LRRC4C: variants seen among roughly 807,000 people sequenced by gnomAD.
LRRC4C encodes leucine rich repeat containing 4C, also known as leucine-rich repeat-containing protein 4C.
A neutral mutation model predicts 33.6 loss-of-function variants in LRRC4C; 5 were observed. That is an observed-to-expected ratio of 0.15 (90% CI 0.08 to 0.31). The LOEUF is 0.31. LRRC4C is among the 10% of genes least tolerant of loss of function. The pLI is 1.00. For missense variants in LRRC4C, 560 were observed against 796.7 expected (o/e 0.70, Z 3.58); for synonymous variants, 329 against 302.0 (o/e 1.09, Z -0.93).
intron 3 of LRRC4C, among the ~76,000 whole-genome samples, chr11:40,488,951 G>T (rs924637458): frequency 1.3e-5 from 2 of 152,000 alleles, no homozygotes; most frequent in African/African-American, 4.8e-5. Context: ...TAATATAATG[G>T]AAGACAGCAT....
At chr11:40,255,674 C>T (rs1215582766) in intron 4 of LRRC4C, among the ~76,000 whole-genome samples, 2 of 152,296 alleles carry the variant, frequency 1.3e-5, no homozygotes, top group East Asian at 3.9e-4. Context: ...TCAGCCTCCT[C>T]ATTCACACAA....
At chr11:40,896,848 G>A (rs879603889) in intron 2 of LRRC4C, among the ~76,000 whole-genome samples, 4 of 152,276 alleles carry the variant, frequency 2.6e-5, no homozygotes, top group Admixed American at 6.5e-5. Context: ...TCAAGGAGAC[G>A]TATTAAAGCA....
chr11:40,982,498 A>G lies in LRRC4C; in HGVS notation c.-495-48775T>C, dbSNP rs188349200. Among the ~76,000 whole-genome samples the G allele has an allele frequency of 2.0e-5, 3 of 152,312 alleles. No individual in the cohort carries two copies. The East Asian group carries it at 5.8e-4, about 29-fold the overall frequency. On this transcript the variant is annotated intron_variant, in intron 1 of 6. Transcript: ENST00000528697. ...ACTAGACCAGTGGTTTAAATACTAT[A>G]ATATGCATGCCAATCAGCCTGTAAT... is the stretch of plus-strand genomic sequence containing the variant.
At chr11:41,141,728 G>T (rs1362614777) in intron 1 of LRRC4C, among the ~76,000 whole-genome samples, 1 of 152,048 alleles carries the variant, frequency 6.6e-6, no homozygotes, top group East Asian at 1.9e-4. Flanking sequence ...CACCATGATT[G>T]TAAGTTTCCT....
intron 2 of LRRC4C, among the ~76,000 whole-genome samples, chr11:40,688,432 C>G (rs1331306460): frequency 6.6e-6 from 1 of 152,118 alleles, no homozygotes; most frequent in Non-Finnish European, 1.5e-5. Flanking sequence ...GCAGCTTTTA[C>G]TTACTTAACC....
chr11:40,348,039 C>T (rs528983193), intron 3 of LRRC4C, among the ~76,000 whole-genome samples: 9 of 152,222 alleles, frequency 5.9e-5, no homozygotes, highest in South Asian at 2.1e-4. Context: ...TCAGAACACA[C>T]GCAACGTTTC....
chr11:41,080,342 C>CTTTTTTTTTTTTTTTTTTTTTTTTTTTT (rs71060997), intron 1 of LRRC4C, among the ~76,000 whole-genome samples: 2 of 103,434 alleles, frequency 1.9e-5, no homozygotes, highest in African/African-American at 3.7e-5. Context: ...GAGTCTCCTC[C>CTTTTTTTTTTTTTTTTTTTTTTTTTTTT]TTTTTTTTTT....
At chr11:40,147,377 T>A (rs544634219) in intron 5 of LRRC4C, among the ~76,000 whole-genome samples, 122 of 152,260 alleles carry the variant, frequency 8.0e-4, no homozygotes, top group Middle Eastern at 3.4e-3. Flanking sequence ...GCTGCATAAA[T>A]CTAGTTCTTT....
chr11:40,949,140 G>C (rs538672406), intron 1 of LRRC4C, among the ~76,000 whole-genome samples: 1 of 151,950 alleles, frequency 6.6e-6, no homozygotes, highest in Non-Finnish European at 1.5e-5. Context: ...ATTTTTTCAC[G>C]TGTTTTTTGG....
chr11:40,793,501 C>T (rs1950707815), intron 2 of LRRC4C, among the ~76,000 whole-genome samples: 1 of 152,146 alleles, frequency 6.6e-6, no homozygotes, highest in East Asian at 1.9e-4. Context: ...TGTAACCAGT[C>T]AGAATTTGAA....
At chr11:40,263,119 T>A (rs901621220) in intron 4 of LRRC4C, among the ~76,000 whole-genome samples, 1 of 152,138 alleles carries the variant, frequency 6.6e-6, no homozygotes, top group Non-Finnish European at 1.5e-5. Context: ...AGGATCTTAA[T>A]AAATATTAAT....
intron 5 of LRRC4C, among the ~76,000 whole-genome samples, 165 bp downstream of exon 5, chr11:40,241,354 C>G (rs959337433): frequency 6.6e-6 from 1 of 152,000 alleles, no homozygotes; most frequent in African/African-American, 2.4e-5. Context: ...TGCACTTCAG[C>G]CTTGGCAACA....
At chr11:40,605,306 A>T (rs982579389) in intron 3 of LRRC4C, among the ~76,000 whole-genome samples, 2 of 152,158 alleles carry the variant, frequency 1.3e-5, no homozygotes, top group Admixed American at 1.3e-4. Context: ...AATATCCTTT[A>T]ATTTAATACC....
chr11:40,625,038 T>A (rs1413855690), intron 3 of LRRC4C, among the ~76,000 whole-genome samples: 1 of 152,172 alleles, frequency 6.6e-6, no homozygotes, highest in Non-Finnish European at 1.5e-5. Flanking sequence ...ACTAAGATCA[T>A]ATAATATTCA....
intron 3 of LRRC4C, among the ~76,000 whole-genome samples, chr11:40,531,461 T>C (rs956317424): frequency 5.3e-5 from 8 of 152,028 alleles, no homozygotes; most frequent in African/African-American, 1.7e-4. Context: ...TTGAATTAAG[T>C]TGCAGAGAAG....
intron 2 of LRRC4C, among the ~76,000 whole-genome samples, chr11:40,874,330 T>C (rs1196399193): frequency 6.6e-6 from 1 of 152,186 alleles, no homozygotes; most frequent in Non-Finnish European, 1.5e-5. Flanking sequence ...GCATTTTTTT[T>C]TCCAGTAACT....
chr11:40,844,238 T>TAAA (rs58820785), intron 2 of LRRC4C, among the ~76,000 whole-genome samples: 4 of 141,338 alleles, frequency 2.8e-5, no homozygotes, highest in African/African-American at 1.0e-4. Context: ...TAAAGTATAA[T>TAAA]AAAAAAAAAA....
At chr11:41,100,958 AT>A (rs555507286) in intron 1 of LRRC4C, among the ~76,000 whole-genome samples, 16 of 152,194 alleles carry the variant, frequency 1.1e-4, no homozygotes, top group Non-Finnish European at 1.6e-4. Flanking sequence ...TCCTTATTAA[AT>A]AAATTGTGCT....
intron 4 of LRRC4C, among the ~76,000 whole-genome samples, chr11:40,309,515 A>AT (rs72004575): frequency 0.031 from 4,557 of 145,886 alleles, 122 homozygotes; most frequent in African/African-American, 0.064. Context: ...GCAGAAGTGT[A>AT]TTTTTTTTTT....
Sources: allele counts gnomAD v4.1 joint callset (sites outside exome capture counted in the v4.1 genomes callset), GRCh38; gene constraint gnomAD v4.1.1; transcripts MANE v1.5; gene names NCBI Gene and HGNC (gene_info 2026-07-23, HGNC 2026-07-21).